TJP1: variants seen among roughly 807,000 people sequenced by gnomAD.
TJP1 encodes the protein tight junction protein 1.
TJP1 carries 43 observed loss-of-function variants against 194.2 expected under a neutral mutation model. The ratio of observed to expected loss-of-function variants is 0.22; its 90% CI spans 0.17 to 0.29. The LOEUF (loss-of-function observed/expected upper bound fraction) is 0.29, where lower values mean the gene tolerates loss of function less well. Ranked by LOEUF, TJP1 falls within the 10% of genes least tolerant of loss-of-function variation. The pLI, the probability that TJP1 is intolerant of heterozygous loss-of-function variation, is 1.00. For missense variants in TJP1, 1,971 were observed against 2,185.7 expected (o/e 0.90, Z 1.96); for synonymous variants, 801 against 779.0 (o/e 1.03, Z -0.47).
At chr15:29,765,082 T>A (rs1420639124) in intron 5 of TJP1, among the ~76,000 whole-genome samples, 1 of 152,010 alleles carries the variant, frequency 6.6e-6, no homozygotes, top group East Asian at 1.9e-4. Flanking sequence ...AAAGATACAG[T>A]ACTACCAAAG....
Position 29,822,182 on chromosome 15 carries a change from G to A in TJP1, c.-154C>T, listed in dbSNP as rs1043758291. ...CGGAAGGGCCCGGCCCAGGGGGAGGGAATTCAACTCGGACAAAAGTCCGGG... is the reference window on the plus strand; with the variant it reads ...CGGAAGGGCCCGGCCCAGGGGGAGGAAATTCAACTCGGACAAAAGTCCGGG... On this transcript the variant is annotated 5_prime_UTR_variant, in exon 1 of 28. Coordinates refer to ENST00000614355, the MANE Select transcript of TJP1 (RefSeq NM_001330239.4). 12 of 1,176,350 alleles carry A rather than the reference G, an allele frequency of 1.0e-5. No homozygotes were observed. The African/African-American group carries it at 1.6e-4, about 16-fold the overall frequency. The allele number at this position is 1,176,350 out of a possible 1,614,324, so 72.9% of individuals were successfully genotyped here.
intron 2 of TJP1, among the ~76,000 whole-genome samples, chr15:29,890,888 G>T (rs1183513385): frequency 6.6e-6 from 1 of 152,130 alleles, no homozygotes; most frequent in Admixed American, 6.5e-5. Flanking sequence ...ATGTCTACTT[G>T]TTCCAGTGCA....
chr15:29,720,617 G>C lies in TJP1; in HGVS notation c.2504C>G (p.Thr835Arg). Reference protein sequence around the residue: ...APGSEYSMYSTDSRHTSDYED... With the variant: ...APGSEYSMYSRDSRHTSDYED... ...ATAGTCAGAAGTGTGTCTACTGTCC[G>C]TGCTATACATTGAGTATTCACTACC... Residue 835 changes from threonine (T) to arginine (R), a missense_variant, in exon 19 of 28, where the codon ACG (threonine) becomes AGG (arginine). Physicochemically the swap from Thr to Arg is moderately conservative, Grantham distance 71. This residue lies in a region of TJP1 where 402 missense variants were observed against 484.2 expected (regional missense o/e 0.83). Coordinates refer to ENST00000614355, the MANE Select transcript of TJP1 (RefSeq NM_001330239.4). 6.2e-7 allele frequency: 1 copy of C among 1,614,048 alleles called. No homozygotes were observed. Among genetic ancestry groups the C allele is most frequent in the Non-Finnish European group, 8.5e-7 (1 of 1,180,010 alleles).
intron 1 of TJP1, among the ~76,000 whole-genome samples, chr15:29,801,471 T>G (rs1405948013): frequency 6.6e-6 from 1 of 151,152 alleles, no homozygotes; most frequent in African/African-American, 2.4e-5. Flanking sequence ...TTATTTTTTT[T>G]TTTTTTTTGA....
At chr15:29,931,066 G>A (rs1718999) in intron 2 of TJP1, among the ~76,000 whole-genome samples, 29,345 of 151,948 alleles carry the variant, frequency 0.19, 2,965 homozygotes, top group East Asian at 0.35. Flanking sequence ...TACCAATAAC[G>A]TAAATAGTCG....
chr15:29,813,429 C>T (rs2049673542), intron 1 of TJP1, among the ~76,000 whole-genome samples: 1 of 152,040 alleles, frequency 6.6e-6, no homozygotes, highest in South Asian at 2.1e-4. Flanking sequence ...TATTTTCTCC[C>T]GAAACCAATA....
intron 2 of TJP1, chr15:29,956,172 T>G: frequency 9.0e-7 from 1 of 1,109,566 alleles, no homozygotes; most frequent in Admixed American, 3.9e-5. Context: ...ATGAAAATAA[T>G]AAAATAAAAA....
intron 2 of TJP1, among the ~76,000 whole-genome samples, chr15:29,939,955 G>C (rs1377232526): frequency 6.6e-6 from 1 of 152,080 alleles, no homozygotes; most frequent in Non-Finnish European, 1.5e-5. Context: ...ATGATATTAT[G>C]TTATAGCAGG....
intron 2 of TJP1, among the ~76,000 whole-genome samples, chr15:29,934,448 A>C (rs1211176124): frequency 2.6e-5 from 4 of 152,208 alleles, no homozygotes. Context: ...GTTTATATTG[A>C]GGTTGCCCTT....
intron 2 of TJP1, among the ~76,000 whole-genome samples, chr15:29,779,392 A>T (rs949380416): frequency 6.6e-6 from 1 of 152,090 alleles, no homozygotes; most frequent in Non-Finnish European, 1.5e-5. Flanking sequence ...CACCTTGGAG[A>T]ACCTTGGTAC....
At chr15:29,756,763 T>C (rs1191214360) in intron 8 of TJP1, among the ~76,000 whole-genome samples, 1 of 152,134 alleles carries the variant, frequency 6.6e-6, no homozygotes, top group Non-Finnish European at 1.5e-5. Flanking sequence ...TCTACACCAG[T>C]AAGGTCAAAG....
At chr15:29,723,401 C>T (rs1233314557) in intron 18 of TJP1, among the ~76,000 whole-genome samples, 2 of 152,234 alleles carry the variant, frequency 1.3e-5, no homozygotes, top group African/African-American at 4.8e-5. Context: ...CCTTCTCTCT[C>T]TTCCTCCTGC....
chr15:29,881,309 T>C (rs2052919539), intron 2 of TJP1, among the ~76,000 whole-genome samples: 1 of 152,240 alleles, frequency 6.6e-6, no homozygotes, highest in Admixed American at 6.5e-5. Flanking sequence ...ATTTTTCCTA[T>C]TGAGTTGTAG....
intron 2 of TJP1, among the ~76,000 whole-genome samples, chr15:29,950,417 A>G (rs1387341396): frequency 1.4e-5 from 2 of 146,112 alleles, no homozygotes; most frequent in Non-Finnish European, 3.0e-5. Context: ...TACCACCATA[A>G]GTACACCATC....
intron 2 of TJP1, among the ~76,000 whole-genome samples, chr15:29,926,960 A>C (rs926412344): frequency 6.6e-5 from 10 of 151,674 alleles, no homozygotes; most frequent in African/African-American, 2.4e-4. Flanking sequence ...ATTTAAAAAA[A>C]CTCTAGATAA....
intron 2 of TJP1, among the ~76,000 whole-genome samples, chr15:29,892,304 G>T (rs143996708): frequency 0.024 from 3,613 of 152,320 alleles, 62 homozygotes; most frequent in Middle Eastern, 0.044. Context: ...GTTGGTTCAT[G>T]AGGTTTAAGG....
chr15:29,885,946 G>A (rs72719091), intron 2 of TJP1, among the ~76,000 whole-genome samples: 163 of 152,318 alleles, frequency 1.1e-3, no homozygotes, highest in Admixed American at 1.8e-3. Context: ...CAAAAGAGAA[G>A]GGGGAAGAAG....
chr15:29,956,213 C>A, intron 2 of TJP1: 1 of 1,224,880 alleles, frequency 8.2e-7, no homozygotes, highest in Non-Finnish European at 1.0e-6. Flanking sequence ...ATGAGAAAAG[C>A]ATTGATCAGT....
intron 2 of TJP1, among the ~76,000 whole-genome samples, chr15:29,918,970 G>C (rs2054273026): frequency 6.6e-6 from 1 of 152,026 alleles, no homozygotes; most frequent in African/African-American, 2.4e-5. Context: ...ACATTCAAAG[G>C]GCCTTCCAAG....
Sources: allele counts gnomAD v4.1 joint callset (sites outside exome capture counted in the v4.1 genomes callset), GRCh38; gene constraint gnomAD v4.1.1; regional missense constraint gnomAD v4.1.1; transcripts MANE v1.5; gene names NCBI Gene and HGNC (gene_info 2026-07-23, HGNC 2026-07-21).